The following GPHN variants were observed in gnomAD, a reference collection of about 807,000 sequenced individuals.
GPHN encodes gephyrin.
GPHN carries 17 observed loss-of-function variants against 95.5 expected under a neutral mutation model. The observed-to-expected ratio is 0.18, with a 90% confidence interval of 0.12 to 0.27. The LOEUF (loss-of-function observed/expected upper bound fraction) is 0.27, where lower values mean the gene tolerates loss of function less well. GPHN is among the 10% of genes least tolerant of loss of function. The probability of loss-of-function intolerance (pLI) is 1.00; values close to 1 mark genes in which losing one functional copy is unlikely to be tolerated. For missense variants in GPHN, 660 were observed against 978.1 expected, an observed-to-expected ratio of 0.67 and a Z score of 4.34; for synonymous variants, 320 against 322.5, an observed-to-expected ratio of 0.99 and a Z score of 0.08.
At chr14:66,878,881 C>T (rs865948364) in intron 4 of GPHN, among the ~76,000 whole-genome samples, 17 of 152,230 alleles carry the variant, frequency 1.1e-4, no homozygotes, top group Middle Eastern at 3.4e-3. Flanking sequence ...TATTATATAT[C>T]GTCCTATTCT....
chr14:67,719,113 G>A, the GPHN span, among the ~76,000 whole-genome samples: 1 of 152,190 alleles, frequency 6.6e-6, no homozygotes, highest in African/African-American at 2.4e-5. Flanking sequence ...TCATATCGGA[G>A]TTATCCTTTT....
the GPHN span, among the ~76,000 whole-genome samples, chr14:67,417,375 G>A: frequency 3.4e-4 from 52 of 152,296 alleles, no homozygotes; most frequent in African/African-American, 1.2e-3. Context: ...TCGATCCCAC[G>A]TTGTGAGGTT....
chr14:67,392,627 C>T, the GPHN span: 2 of 1,576,484 alleles, frequency 1.3e-6, no homozygotes, highest in Non-Finnish European at 1.7e-6. Flanking sequence ...TTAACTTTTG[C>T]CCTGGTGGCA....
At chr14:67,015,561 G>T (rs1249609890) in intron 9 of GPHN, among the ~76,000 whole-genome samples, 13 of 152,004 alleles carry the variant, frequency 8.6e-5, no homozygotes, top group Non-Finnish European at 1.5e-5. Context: ...GCCAGGTGTG[G>T]TGGCGCACAC....
At chr14:67,089,115 A>ATTTTTTTTTTTTTT (rs371624615) in intron 12 of GPHN, 40 bp downstream of exon 12, 28 of 363,270 alleles carry the variant, frequency 7.7e-5, no homozygotes, top group Middle Eastern at 4.7e-4. Context: ...CAGGCACTGT[A>ATTTTTTTTTTTTTT]TTTTTTTTTC....
chr14:67,285,444 G>C, the GPHN span, among the ~76,000 whole-genome samples: 36 of 148,536 alleles, frequency 2.4e-4, no homozygotes, highest in Admixed American at 2.5e-3. Flanking sequence ...TCGGCTCACT[G>C]CAAGCTCCAC....
the GPHN span, among the ~76,000 whole-genome samples, chr14:67,258,897 A>G: frequency 6.6e-6 from 1 of 151,954 alleles, no homozygotes; most frequent in Non-Finnish European, 1.5e-5. Flanking sequence ...GCTAGAGTGC[A>G]GTGGTGTGAT....
At chr14:67,487,566 C>T in the GPHN span, among the ~76,000 whole-genome samples, 10 of 152,210 alleles carry the variant, frequency 6.6e-5, no homozygotes, top group African/African-American at 2.4e-4. Context: ...TCATGGAAGG[C>T]AGACAATGTA....
At chr14:67,690,414 G>A in the GPHN span, 1 of 1,614,018 alleles carries the variant, frequency 6.2e-7, no homozygotes, top group South Asian at 1.1e-5. Context: ...GGGTTAGGAG[G>A]AAGTGACCTG....
At chr14:67,060,455 G>A (rs1156806024) in intron 11 of GPHN, among the ~76,000 whole-genome samples, 1 of 152,082 alleles carries the variant, frequency 6.6e-6, no homozygotes, top group African/African-American at 2.4e-5. Flanking sequence ...AATTTTTTGT[G>A]CAAATGGGTA....
chr14:66,539,614 A>G lies in GPHN; in HGVS notation c.64+31023A>G, dbSNP rs924746375. On this transcript the variant is annotated intron_variant, in intron 1 of 22. Coordinates refer to ENST00000478722, the MANE Select transcript of GPHN (RefSeq NM_020806.5). ...TTTTTGGTAGAGACGGGTGTTGGTC[A>G]GGCTTCGTGTTGGTCAGGCTGGTTT... Among the ~76,000 whole-genome samples the G allele has an allele frequency of 3.2e-4, 24 of 76,104 alleles. No individual in the cohort carries two copies. The African/African-American group carries it at 4.8e-3, about 15-fold the overall frequency. 49.9% of individuals were successfully genotyped at this position (76,104 alleles called of 152,430 possible).
At chr14:67,679,547 G>T in the GPHN span, among the ~76,000 whole-genome samples, 1 of 152,172 alleles carries the variant, frequency 6.6e-6, no homozygotes, top group South Asian at 2.1e-4. Flanking sequence ...GGGATTATAG[G>T]CGCCTGCCAC....
intron 9 of GPHN, among the ~76,000 whole-genome samples, chr14:66,999,283 A>G (rs1488239312): frequency 6.6e-6 from 1 of 151,910 alleles, no homozygotes; most frequent in Non-Finnish European, 1.5e-5. Flanking sequence ...ACTTTAATTA[A>G]TACAAAACGT....
chr14:66,667,321 A>G (rs1338787207), intron 1 of GPHN, among the ~76,000 whole-genome samples: 2 of 152,192 alleles, frequency 1.3e-5, no homozygotes, highest in Non-Finnish European at 2.9e-5. Flanking sequence ...TTTGTACTGA[A>G]CCAAAAAAGA....
chr14:67,512,021 C>G, the GPHN span, among the ~76,000 whole-genome samples: 10 of 152,314 alleles, frequency 6.6e-5, no homozygotes, highest in South Asian at 1.9e-3. Context: ...ACGTCTTGAA[C>G]CAAACACCCT....
intron 9 of GPHN, chr14:66,996,311 G>A (rs1594765632): frequency 2.3e-6 from 2 of 873,610 alleles, no homozygotes; most frequent in Non-Finnish European, 3.7e-6. Flanking sequence ...AATTTATTTT[G>A]CCTTGCACTT....
chr14:66,950,316 T>TACTTTGG (rs1348200181), intron 8 of GPHN, among the ~76,000 whole-genome samples: 1 of 152,214 alleles, frequency 6.6e-6, no homozygotes, highest in Non-Finnish European at 1.5e-5. Flanking sequence ...AGGTAGATCC[T>TACTTTGG]CACTACTCCA....
the GPHN span, among the ~76,000 whole-genome samples, chr14:67,378,137 A>C: frequency 1.3e-5 from 2 of 151,486 alleles, no homozygotes; most frequent in Non-Finnish European, 2.9e-5. Context: ...AAAAAAAAAA[A>C]AAGCCAGACT....
the GPHN span, among the ~76,000 whole-genome samples, chr14:67,344,155 G>T: frequency 5.3e-5 from 8 of 152,206 alleles, no homozygotes; most frequent in Admixed American, 6.5e-5. Flanking sequence ...ATTTTAGCTT[G>T]TATTTGTAAT....
Sources: allele counts gnomAD v4.1 joint callset (sites outside exome capture counted in the v4.1 genomes callset), GRCh38; gene constraint gnomAD v4.1.1; transcripts MANE v1.5; gene names NCBI Gene and HGNC (gene_info 2026-07-23, HGNC 2026-07-21).